The following LIPC variants were observed in gnomAD, a reference collection of about 807,000 sequenced individuals.
LIPC encodes hepatic triacylglycerol lipase.
In LIPC, 44 loss-of-function variants were observed where a neutral mutation model predicts 50.7. The ratio of observed to expected loss-of-function variants is 0.87; its 90% confidence interval spans 0.68 to 1.11. The LOEUF is 1.11. LIPC is among the 50% of genes most tolerant of loss of function. The pLI is 0.00. For synonymous variants in LIPC, 271 were observed against 256.4 expected, an observed-to-expected ratio of 1.06 and a Z score of -0.54; for missense variants, 697 against 648.2, an observed-to-expected ratio of 1.08 and a Z score of -0.82.
chr15:58,541,298 C>T (rs553718263), intron 2 of LIPC, among the ~76,000 whole-genome samples: 24 of 152,226 alleles, frequency 1.6e-4, no homozygotes, highest in South Asian at 4.1e-4. Flanking sequence ...TCCAGCATAA[C>T]GCAGTCTGCA....
At chr15:58,487,643 C>A (rs1209968098) in intron 1 of LIPC, among the ~76,000 whole-genome samples, 1 of 152,204 alleles carries the variant, frequency 6.6e-6, no homozygotes, top group Non-Finnish European at 1.5e-5. Flanking sequence ...TTCCAGAGTA[C>A]ATGCCATCAT....
chr15:58,480,629 C>T (rs1891155115), intron 1 of LIPC, among the ~76,000 whole-genome samples: 2 of 152,230 alleles, frequency 1.3e-5, no homozygotes, highest in Non-Finnish European at 2.9e-5. Flanking sequence ...CTTGTCCAAC[C>T]TTCAGCCCAG....
At chr15:58,439,328 T>C (rs1047704639) in intron 1 of LIPC, among the ~76,000 whole-genome samples, 2 of 152,252 alleles carry the variant, frequency 1.3e-5, no homozygotes, top group Non-Finnish European at 2.9e-5. Context: ...TTGACTTTCA[T>C]GATTTAAATA....
At chr15:58,501,391 C>G (rs1167082315) in intron 1 of LIPC, among the ~76,000 whole-genome samples, 2 of 131,392 alleles carry the variant, frequency 1.5e-5, no homozygotes, top group African/African-American at 5.5e-5. Flanking sequence ...TTGTTTATTC[C>G]TTTTTGTTTT....
intron 1 of LIPC, among the ~76,000 whole-genome samples, chr15:58,440,083 C>T (rs1893452043): frequency 6.6e-6 from 1 of 152,140 alleles, no homozygotes; most frequent in Admixed American, 6.5e-5. Flanking sequence ...TTTAAAACCC[C>T]AAGATATTTG....
chr15:58,506,632 G>A (rs181812881), intron 1 of LIPC, among the ~76,000 whole-genome samples: 462 of 152,288 alleles, frequency 3.0e-3, no homozygotes, highest in Non-Finnish European at 3.6e-3. Context: ...ACAGACTGCT[G>A]AGAGGCTCCC....
chr15:58,446,864 T>G (rs1205433849), intron 1 of LIPC, among the ~76,000 whole-genome samples: 1 of 152,156 alleles, frequency 6.6e-6, no homozygotes, highest in Non-Finnish European at 1.5e-5. Flanking sequence ...GAGTGAGTTT[T>G]GGCCAGGCGA....
chr15:58,456,420 T>C (rs1894115784), intron 1 of LIPC: 1 of 152,268 alleles, frequency 6.6e-6, no homozygotes, highest in African/African-American at 2.4e-5. Context: ...TTGTATTACT[T>C]TGATATTCAT....
At chr15:58,500,374 T>C (rs1466622430) in intron 1 of LIPC, among the ~76,000 whole-genome samples, 1 of 152,172 alleles carries the variant, frequency 6.6e-6, no homozygotes, top group Non-Finnish European at 1.5e-5. Flanking sequence ...CTCTAGCCTC[T>C]TCACTGTCAC....
At chr15:58,520,000 C>T (rs8028759) in intron 1 of LIPC, among the ~76,000 whole-genome samples, 96,020 of 151,778 alleles carry the variant, frequency 0.63, 30,595 homozygotes, top group Middle Eastern at 0.68. Context: ...TGCAAGGGTG[C>T]GTAGAAAGAG....
intron 6 of LIPC, 101 bp from the exon 7 acceptor site, chr15:58,560,763 T>A: frequency 1.5e-6 from 1 of 687,150 alleles, no homozygotes; most frequent in Non-Finnish European, 2.7e-6. Flanking sequence ...CTATCCAAAC[T>A]CTTCCCTCTG....
chr15:58,442,686 T>C (rs1893547133), intron 1 of LIPC, among the ~76,000 whole-genome samples: 1 of 152,214 alleles, frequency 6.6e-6, no homozygotes, highest in African/African-American at 2.4e-5. Context: ...ACTTCACAGA[T>C]GGGGAAATTG....
chr15:58,556,541 T>TAA (rs1472407561), intron 6 of LIPC, among the ~76,000 whole-genome samples: 2 of 152,244 alleles, frequency 1.3e-5, no homozygotes, highest in African/African-American at 4.8e-5. Context: ...TCTCCAGAGA[T>TAA]AAGCACTGTT....
intron 1 of LIPC, among the ~76,000 whole-genome samples, chr15:58,483,241 C>T (rs1427653018): frequency 1.3e-5 from 2 of 152,190 alleles, no homozygotes; most frequent in East Asian, 3.8e-4. Flanking sequence ...ATAACCCTCC[C>T]TCTGTCAAAC....
At chr15:58,493,483 T>C (rs371172685) in intron 1 of LIPC, among the ~76,000 whole-genome samples, 2 of 151,104 alleles carry the variant, frequency 1.3e-5, no homozygotes, top group African/African-American at 4.9e-5. Flanking sequence ...ATATATATAT[T>C]TTTTTGTGTA....
chr15:58,524,126 C>T (rs1378356581), intron 1 of LIPC, among the ~76,000 whole-genome samples: 1 of 152,130 alleles, frequency 6.6e-6, no homozygotes, highest in African/African-American at 2.4e-5. Context: ...ATCGTTCCAA[C>T]ATAACCTTAC....
intron 6 of LIPC, among the ~76,000 whole-genome samples, chr15:58,551,797 G>T (rs572033513): frequency 6.6e-6 from 1 of 152,312 alleles, no homozygotes; most frequent in East Asian, 1.9e-4. Flanking sequence ...GGGTCTGGTT[G>T]GGCAAGATAA....
At position 58,436,870 on chromosome 15, in the gene LIPC, T is replaced by C. The variant is rs528762815; in HGVS notation, c.88+4750T>C. 562 of 456,204 alleles carry C rather than the reference T, an allele frequency of 1.2e-3. 2 individuals are homozygous for C. The highest frequency in any genetic ancestry group is 0.01 in the African/African-American group (513 of 50,166). The allele number at this position is 456,204 out of a possible 1,614,324, so 28.3% of individuals were successfully genotyped here. A position where few individuals can be genotyped will look rare whatever the true frequency, so the allele number is the denominator to read the frequency against. On this transcript the variant is annotated intron_variant, in intron 1 of 8. Coordinates refer to ENST00000299022, the MANE Select transcript of LIPC (RefSeq NM_000236.3). ...TAGCAGAGGTACACAGCTGATAAAG[T>C]ACATGTGCTTTTCAAGCCCAAATAC... is the stretch of plus-strand genomic sequence containing the variant.
At chr15:58,438,347 C>T (rs564992737) in intron 1 of LIPC, among the ~76,000 whole-genome samples, 71 of 152,252 alleles carry the variant, frequency 4.7e-4, no homozygotes, top group Middle Eastern at 3.4e-3. Context: ...ACGGGCTCCA[C>T]GTAGAACAGA....
Sources: gnomAD v4.1 joint callset for allele counts (sites outside exome capture counted in the v4.1 genomes callset) on GRCh38, gnomAD v4.1.1 for gene constraint, MANE v1.5 for transcripts, NCBI Gene and HGNC (gene_info 2026-07-23, HGNC 2026-07-21) for gene names.